Variants in DAB1 observed in about 807,000 individuals in gnomAD.
DAB1 encodes the protein DAB adaptor protein 1, also known as disabled homolog 1.
In DAB1, 15 loss-of-function variants were observed where a neutral mutation model predicts 64.6. That is an observed-to-expected ratio of 0.23 (90% CI 0.16 to 0.36). The LOEUF is 0.36. DAB1 is among the 10% of genes least tolerant of loss of function. The probability of loss-of-function intolerance (pLI) is 1.00; values close to 1 mark genes in which losing one functional copy is unlikely to be tolerated. For synonymous variants in DAB1, 235 were observed against 251.9 expected, an observed-to-expected ratio of 0.93 and a Z score of 0.64; for missense variants, 596 against 706.7, an observed-to-expected ratio of 0.84 and a Z score of 1.78.
At chr1:57,984,228 GAAAGAAAGAAAGAA>G (rs1360718727) in intron 5 of DAB1, among the ~76,000 whole-genome samples, 1 of 145,690 alleles carries the variant, frequency 6.9e-6, no homozygotes, top group East Asian at 2.0e-4. Context: ...AAGAAAGAAA[GAAAGAAAGAAAGAA>G]AGAAAGAAAG....
chr1:57,188,976 C>T (rs778796750), intron 2 of DAB1, among the ~76,000 whole-genome samples: 15 of 152,118 alleles, frequency 9.9e-5, no homozygotes, highest in Admixed American at 2.0e-4. Context: ...AAAAAAAGTT[C>T]GGTCATTTGC....
chr1:57,311,989 A>G (rs936696002), intron 1 of DAB1, among the ~76,000 whole-genome samples: 2 of 152,252 alleles, frequency 1.3e-5, no homozygotes, highest in Non-Finnish European at 1.5e-5. Flanking sequence ...ACTAATATTT[A>G]TCCTGCAACA....
At chr1:57,910,457 G>C (rs928850759) in intron 5 of DAB1, among the ~76,000 whole-genome samples, 3 of 152,182 alleles carry the variant, frequency 2.0e-5, no homozygotes, top group African/African-American at 7.2e-5. Flanking sequence ...CACCGCTCTG[G>C]CAAGCACATA....
chr1:57,195,645 G>T (rs1168933289), intron 2 of DAB1, among the ~76,000 whole-genome samples: 1 of 152,224 alleles, frequency 6.6e-6, no homozygotes, highest in Non-Finnish European at 1.5e-5. Context: ...CACTAGCCAG[G>T]TGGGAAGAAC....
chr1:57,906,723 G>C (rs1644556658), intron 5 of DAB1, among the ~76,000 whole-genome samples: 1 of 152,088 alleles, frequency 6.6e-6, no homozygotes, highest in African/African-American at 2.4e-5. Flanking sequence ...CGGGAGGAGA[G>C]AGAACCTTGT....
chr1:58,320,202 T>A (rs1054745996), intron 4 of DAB1, among the ~76,000 whole-genome samples: 2 of 152,174 alleles, frequency 1.3e-5, no homozygotes, highest in African/African-American at 4.8e-5. Flanking sequence ...ACACTCAGAA[T>A]GCAGGAAGAC....
chr1:58,121,798 C>CAT (rs997610588), intron 5 of DAB1, among the ~76,000 whole-genome samples: 5 of 151,962 alleles, frequency 3.3e-5, no homozygotes, highest in South Asian at 4.1e-4. Flanking sequence ...TACATGCATA[C>CAT]ATATATATAT....
At chr1:57,141,374 C>T (rs1336029839) in intron 3 of DAB1, among the ~76,000 whole-genome samples, 1 of 152,078 alleles carries the variant, frequency 6.6e-6, no homozygotes, top group Non-Finnish European at 1.5e-5. Context: ...GGGCATTGCT[C>T]CCCACTCCCT....
chr1:58,013,997 C>T (rs1428805277), intron 5 of DAB1, among the ~76,000 whole-genome samples: 9 of 151,644 alleles, frequency 5.9e-5, no homozygotes, highest in African/African-American at 1.9e-4. Context: ...CTATTATTTC[C>T]GGCATGGTCA....
intron 2 of DAB1, among the ~76,000 whole-genome samples, chr1:57,272,731 G>A (rs1186929956): frequency 6.6e-6 from 1 of 152,154 alleles, no homozygotes; most frequent in Non-Finnish European, 1.5e-5. Context: ...TGGTTGTTGT[G>A]TTAAGAGAGT....
chr1:58,328,403 C>T (rs1662889339), intron 4 of DAB1, among the ~76,000 whole-genome samples: 1 of 152,222 alleles, frequency 6.6e-6, no homozygotes, highest in Non-Finnish European at 1.5e-5. Flanking sequence ...TGTCCCCTTC[C>T]TTTCCCATGA....
chr1:57,169,679 A>G (rs961031334), intron 2 of DAB1, among the ~76,000 whole-genome samples: 2 of 152,136 alleles, frequency 1.3e-5, no homozygotes, highest in Non-Finnish European at 2.9e-5. Flanking sequence ...ATCATCCTCA[A>G]TAACTAATCA....
At chr1:57,047,483 C>T (rs1482777981) in intron 9 of DAB1, among the ~76,000 whole-genome samples, 2 of 152,060 alleles carry the variant, frequency 1.3e-5, no homozygotes, top group South Asian at 2.1e-4. Context: ...AGAGATCTCT[C>T]TTCCTCTCTC....
chr1:58,518,935 G>A (rs756838334), intron 2 of DAB1, among the ~76,000 whole-genome samples: 41 of 152,102 alleles, frequency 2.7e-4, no homozygotes, highest in Non-Finnish European at 5.0e-4. Context: ...GCACAAAAAG[G>A]ATAAATAACT....
At chr1:57,590,153 C>T (rs1396302166) in intron 7 of DAB1, among the ~76,000 whole-genome samples, 1 of 152,142 alleles carries the variant, frequency 6.6e-6, no homozygotes, top group Middle Eastern at 3.2e-3. Context: ...CTCTCCTTGG[C>T]TTTCAGATGG....
intron 2 of DAB1, among the ~76,000 whole-genome samples, chr1:57,191,726 G>A (rs155295): frequency 0.23 from 35,198 of 151,996 alleles, 5,235 homozygotes; most frequent in Non-Finnish European, 0.33. Context: ...ACCTGGAAAA[G>A]CTTATCATAT....
rs565261231 is a variant in DAB1, at chr1:58,023,605, C to T, written n.387+126906G>A. On this transcript the variant is annotated intron_variant and non_coding_transcript_variant, in intron 5 of 20. Transcript: ENST00000485760. The stretch of plus-strand genomic sequence containing the variant: ...CTAGTTCTCAGCAAAGATTACCACC[C>T]AATAAATAATTGTCAAATGAATGAA... Among the ~76,000 whole-genome samples, 10 of 152,162 alleles carry T rather than the reference C, an allele frequency of 6.6e-5. No homozygotes were observed. In the South Asian group the frequency reaches 2.1e-3, roughly 32 times the overall value.
At chr1:58,053,941 C>A (rs1647881132) in intron 5 of DAB1, among the ~76,000 whole-genome samples, 1 of 152,186 alleles carries the variant, frequency 6.6e-6, no homozygotes, top group Admixed American at 6.5e-5. Flanking sequence ...AATCCATGGT[C>A]CCACATTGTT....
chr1:57,931,056 C>T (rs1644946160), intron 5 of DAB1, among the ~76,000 whole-genome samples: 1 of 152,092 alleles, frequency 6.6e-6, no homozygotes, highest in South Asian at 2.1e-4. Context: ...AGTTTTTATC[C>T]TTAATAGACA....
Sources: gnomAD v4.1 joint callset for allele counts (sites outside exome capture counted in the v4.1 genomes callset) on GRCh38, gnomAD v4.1.1 for gene constraint, MANE v1.5 for transcripts, NCBI Gene and HGNC (gene_info 2026-07-23, HGNC 2026-07-21) for gene names.